PCDHGA6: variants seen among roughly 807,000 people sequenced by gnomAD.
PCDHGA6 encodes protocadherin gamma subfamily A, 6, also known as protocadherin gamma-A6.
Under a neutral mutation model 60.6 loss-of-function variants are expected in PCDHGA6, and 41 were observed. That is an observed-to-expected ratio of 0.68 (90% CI 0.53 to 0.88). The LOEUF is 0.88. Ranked by LOEUF, PCDHGA6 falls within the 40% of genes least tolerant of loss-of-function variation. The pLI is 0.00. For synonymous variants in PCDHGA6, 594 were observed against 524.4 expected (o/e 1.13, Z -1.81); for missense variants, 1,312 against 1,203.0 (o/e 1.09, Z -1.34).
At chr5:141,450,730 G>A (rs1046738914) in intron 1 of PCDHGA6, among the ~76,000 whole-genome samples, 10 of 152,024 alleles carry the variant, frequency 6.6e-5, no homozygotes, top group Non-Finnish European at 1.2e-4. Flanking sequence ...CAGGTGATCC[G>A]CCCGCCTTGG....
At chr5:141,384,778 C>T (rs1206898496) in intron 1 of PCDHGA6, 6 of 1,613,608 alleles carry the variant, frequency 3.7e-6, no homozygotes, top group East Asian at 2.2e-5. Flanking sequence ...GGGCGAGGTG[C>T]GCACGGCTCG....
At position 141,412,100 on chromosome 5, in the gene PCDHGA6, C is replaced by T. The variant is rs1041242156; in HGVS notation, c.2424+35593C>T. On this transcript the variant is annotated intron_variant, in intron 1 of 3. Coordinates refer to ENST00000517434, the MANE Select transcript of PCDHGA6 (RefSeq NM_018919.3). ...TTGCTACTGGGTTGATGGGCACACA[C>T]AGTTGAAGATATGTGAACCACTGGA... The T allele has an allele frequency of 2.0e-5, 3 of 152,180 alleles. No homozygotes were observed. In the South Asian group the frequency reaches 6.2e-4, roughly 31 times the overall value. 9.4% of individuals were successfully genotyped at this position (152,180 alleles called of 1,614,324 possible).
At chr5:141,414,733 G>A (rs768741206) in intron 1 of PCDHGA6, 2 of 1,614,174 alleles carry the variant, frequency 1.2e-6, no homozygotes. Flanking sequence ...CGTCCTGTAT[G>A]CACTCAGATC....
chr5:141,456,875 A>C (rs2098894225), intron 1 of PCDHGA6, among the ~76,000 whole-genome samples: 1 of 152,190 alleles, frequency 6.6e-6, no homozygotes, highest in African/African-American at 2.4e-5. Context: ...AGGCAGGAGA[A>C]TCGCTTGAAC....
intron 1 of PCDHGA6, chr5:141,419,596 G>T: frequency 6.2e-7 from 1 of 1,611,682 alleles, no homozygotes; most frequent in Non-Finnish European, 8.5e-7. Flanking sequence ...ACACAGTGCC[G>T]CGGGCCGCGC....
rs1224943883 is a variant in PCDHGA6 at position 141,493,516 on chromosome 5, G to A, written c.2425-1291G>A. Among the ~76,000 whole-genome samples, 1 of 152,122 alleles carries A rather than the reference G, an allele frequency of 6.6e-6. No individual in the cohort carries two copies. The highest frequency in any genetic ancestry group is 1.5e-5 in the Non-Finnish European group (1 of 68,036). On this transcript the variant is annotated intron_variant, in intron 1 of 3. Coordinates refer to ENST00000517434, the MANE Select transcript of PCDHGA6 (RefSeq NM_018919.3). The surrounding 1 kb of genome is among the most constrained non-coding windows in gnomAD (Gnocchi z 4.3). ...GGCTCCTCATTTCTGAGCAGTCCCC[G>A]CAGCGCAAACTTGGCCAGTTATCCT...
intron 1 of PCDHGA6, chr5:141,423,087 G>C (rs756067751): frequency 1.2e-6 from 2 of 1,613,936 alleles, no homozygotes; most frequent in African/African-American, 1.3e-5. Context: ...TCTTCGCGGT[G>C]GGGGAGCACA....
intron 1 of PCDHGA6, chr5:141,430,898 G>A: frequency 6.2e-7 from 1 of 1,605,834 alleles, no homozygotes; most frequent in East Asian, 2.2e-5. Flanking sequence ...TAGGGTGGGC[G>A]ACATCTCCAG....
Position 141,433,407 on chromosome 5 carries a change from T to C in PCDHGA6, c.2424+56900T>C, listed in dbSNP as rs939103465. Among the ~76,000 whole-genome samples, 537 of 125,956 alleles carry C rather than the reference T, an allele frequency of 4.3e-3. 4 individuals carry two copies. Among genetic ancestry groups the C allele is most frequent in the African/African-American group, 0.016 (523 of 33,156 alleles). The allele number at this position is 125,956 out of a possible 152,430, so 82.6% of individuals were successfully genotyped here. On this transcript the variant is annotated intron_variant, in intron 1 of 3. Coordinates refer to ENST00000517434, the MANE Select transcript of PCDHGA6 (RefSeq NM_018919.3). ...TCTATCTATCTATCTATCTATCTATTACTTTCTTGTACAGACAGGAGTCTC... is the reference window on the plus strand; with the variant it reads ...TCTATCTATCTATCTATCTATCTATCACTTTCTTGTACAGACAGGAGTCTC...
chr5:141,494,924 TGGGAGGAGATGGGGGAG>T, intron 2 of PCDHGA6, 59 bp downstream of exon 2: 1 of 1,613,498 alleles, frequency 6.2e-7, no homozygotes, highest in Admixed American at 1.7e-5. Flanking sequence ...AGGGATGACG[TGGGAGGAGATGGGGGAG>T]GGCCCAGCAT....
rs2096301395 is a variant in PCDHGA6, at chr5:141,418,913, C to A, written c.2424+42406C>A. On this transcript the variant is annotated intron_variant, in intron 1 of 3. Coordinates refer to ENST00000517434, the MANE Select transcript of PCDHGA6 (RefSeq NM_018919.3). ...CAGCCCAGAAATAATCATCACGTCA[C>A]TCTCTGATCAGATTATGGAGGATTC... The A allele has an allele frequency of 2.5e-6, 4 of 1,613,946 alleles. No homozygotes were observed. The highest frequency in any genetic ancestry group is 3.4e-6 in the Non-Finnish European group (4 of 1,179,822).
At chr5:141,378,325 C>G (rs1344220335) in intron 1 of PCDHGA6, 1 of 152,200 alleles carries the variant, frequency 6.6e-6, no homozygotes, top group Non-Finnish European at 1.5e-5. Context: ...GAGTTCGAGA[C>G]CAGCCTGACC....
At chr5:141,412,441 G>C (rs1334085357) in intron 1 of PCDHGA6, 1 of 152,124 alleles carries the variant, frequency 6.6e-6, no homozygotes, top group African/African-American at 2.4e-5. Flanking sequence ...GTTAATTAAG[G>C]CTCAGTAAAA....
chr5:141,454,281 A>C (rs1048947689), intron 1 of PCDHGA6, among the ~76,000 whole-genome samples: 2 of 152,242 alleles, frequency 1.3e-5, no homozygotes, highest in African/African-American at 4.8e-5. Context: ...AAAACTTCAC[A>C]TTAAAGGAAC....
chr5:141,497,473 AGGT>A (rs2099776769), intron 2 of PCDHGA6, among the ~76,000 whole-genome samples: 1 of 151,750 alleles, frequency 6.6e-6, no homozygotes. Flanking sequence ...ATGGAGGAGA[AGGT>A]GCGGAACCTC....
intron 1 of PCDHGA6, among the ~76,000 whole-genome samples, chr5:141,472,273 G>A (rs2099275685): frequency 6.6e-6 from 1 of 152,170 alleles, no homozygotes; most frequent in South Asian, 2.1e-4. Context: ...CGGGCACAGT[G>A]GCTCACACCT....
At chr5:141,383,287 G>T (rs753501762) in intron 1 of PCDHGA6, 3 of 1,613,916 alleles carry the variant, frequency 1.9e-6, no homozygotes, top group Non-Finnish European at 1.7e-6. Flanking sequence ...TAATGACAAC[G>T]TTCCAAGATT....
At position 141,476,097 on chromosome 5, in the gene PCDHGA6, A is replaced by G. The variant is rs1366023758; in HGVS notation, c.2425-18710A>G. 1 of 1,571,812 alleles carries G rather than the reference A, an allele frequency of 6.4e-7. No individual in the cohort carries two copies. Among genetic ancestry groups the G allele is most frequent in the African/African-American group, 1.4e-5 (1 of 73,826 alleles). ...CAGGGACGATCTGGACCCCGCTGAG[A>G]GGAACTGCTTTTGAGTGAGATGGTC... On this transcript the variant is annotated intron_variant, in intron 1 of 3. Coordinates refer to ENST00000517434, the MANE Select transcript of PCDHGA6 (RefSeq NM_018919.3). The surrounding 1 kb of genome is among the most constrained non-coding windows in gnomAD (Gnocchi z 7.6).
chr5:141,433,220 T>A (rs781745522), intron 1 of PCDHGA6: 2 of 1,509,720 alleles, frequency 1.3e-6, no homozygotes, highest in Non-Finnish European at 1.8e-6. Flanking sequence ...TTTTTTTTTT[T>A]AATTGCTCTG....
Sources: allele counts gnomAD v4.1 joint callset (sites outside exome capture counted in the v4.1 genomes callset), GRCh38; gene constraint gnomAD v4.1.1; non-coding constraint Gnocchi (gnomAD v3.1); transcripts MANE v1.5; gene names NCBI Gene and HGNC (gene_info 2026-07-23, HGNC 2026-07-21).